TMEM232: variants seen among roughly 807,000 people sequenced by gnomAD.
TMEM232 encodes the protein transmembrane protein 232.
Under a neutral mutation model 78.8 loss-of-function variants are expected in TMEM232, and 80 were observed. The ratio of observed to expected loss-of-function variants is 1.01; its 90% CI spans 0.85 to 1.22. The LOEUF (loss-of-function observed/expected upper bound fraction) is 1.22. TMEM232 is among the 50% of genes most tolerant of loss of function. The pLI is 0.00. For missense variants in TMEM232, 881 were observed against 742.2 expected, an observed-to-expected ratio of 1.19 and a Z score of -2.17; for synonymous variants, 297 against 254.3, an observed-to-expected ratio of 1.17 and a Z score of -1.60.
intron 12 of TMEM232, among the ~76,000 whole-genome samples, chr5:110,482,615 T>A (rs1026538556): frequency 1.3e-5 from 2 of 150,118 alleles, no homozygotes; most frequent in Non-Finnish European, 3.0e-5. Flanking sequence ...ATATTATTTT[T>A]AATTAATGAT....
intron 11 of TMEM232, among the ~76,000 whole-genome samples, chr5:110,559,741 C>G (rs1327881376): frequency 6.6e-6 from 1 of 152,114 alleles, no homozygotes; most frequent in African/African-American, 2.4e-5. Context: ...AAATTTGTGA[C>G]TTAAAGAACA....
chr5:110,584,309 A>G (rs1157951928), intron 10 of TMEM232, among the ~76,000 whole-genome samples: 1 of 151,880 alleles, frequency 6.6e-6, no homozygotes, highest in African/African-American at 2.4e-5. Context: ...AATGAAATAT[A>G]TTCACACCAA....
intron 4 of TMEM232, among the ~76,000 whole-genome samples, chr5:110,640,265 C>T (rs181222172): frequency 6.6e-6 from 1 of 152,218 alleles, no homozygotes; most frequent in East Asian, 1.9e-4. Flanking sequence ...TCCCAGATAG[C>T]ACTACAAAAC....
Position 110,611,174 on chromosome 5 carries a change from A to G in TMEM232, c.903-4887T>C, listed in dbSNP as rs531239797. The stretch of plus-strand genomic sequence containing the variant: ...TGTTATCAGAACTCAAGATTATATT[A>G]ACAGACTAGGAAGGGGAGAATTAGT... On this transcript the variant is annotated intron_variant, in intron 8 of 13. Coordinates refer to ENST00000455884, the MANE Select transcript of TMEM232 (RefSeq NM_001039763.4). 1.2e-4 allele frequency among the ~76,000 whole-genome samples: 19 copies of G among 152,312 alleles called. No individual in the cohort carries two copies. In the South Asian group the frequency reaches 2.5e-3, roughly 20 times the overall value.
intron 1 of TMEM232, among the ~76,000 whole-genome samples, chr5:110,687,232 T>A (rs1446789513): frequency 6.6e-6 from 1 of 152,176 alleles, no homozygotes; most frequent in Admixed American, 6.6e-5. Context: ...CAACACTTTA[T>A]GTTATTTTAA....
At chr5:110,440,151 G>A (rs184712802) in intron 12 of TMEM232, among the ~76,000 whole-genome samples, 3 of 152,252 alleles carry the variant, frequency 2.0e-5, no homozygotes, top group East Asian at 1.9e-4. Flanking sequence ...AAGCTAGTGG[G>A]AATAATGATG....
At chr5:110,651,088 G>A (rs1168836293) in intron 2 of TMEM232, among the ~76,000 whole-genome samples, 1 of 152,108 alleles carries the variant, frequency 6.6e-6, no homozygotes, top group Non-Finnish European at 1.5e-5. Flanking sequence ...TTAAATATCT[G>A]CTATGAGTCA....
chr5:110,567,133 A>T (rs1776436241), intron 11 of TMEM232, among the ~76,000 whole-genome samples: 1 of 151,860 alleles, frequency 6.6e-6, no homozygotes. Context: ...TACCTTCCAT[A>T]ACACGTGGGG....
intron 12 of TMEM232, among the ~76,000 whole-genome samples, chr5:110,430,363 T>C (rs542172032): frequency 1.3e-5 from 2 of 151,630 alleles, no homozygotes; most frequent in Non-Finnish European, 3.0e-5. Context: ...TTCCTTTTTT[T>C]TTTTGTTCTC....
intron 8 of TMEM232, among the ~76,000 whole-genome samples, chr5:110,612,808 G>T (rs2149864763): frequency 6.6e-6 from 1 of 152,174 alleles, no homozygotes; most frequent in East Asian, 1.9e-4. Flanking sequence ...GTCTTCATTG[G>T]CTAATAATTC....
chr5:110,653,940 A>G (rs1215256270), intron 2 of TMEM232, among the ~76,000 whole-genome samples: 2 of 152,248 alleles, frequency 1.3e-5, no homozygotes, highest in Non-Finnish European at 2.9e-5. Flanking sequence ...TAAAATTTCA[A>G]GAGGAAGAAT....
intron 12 of TMEM232, among the ~76,000 whole-genome samples, chr5:110,518,186 T>C (rs956633542): frequency 3.3e-5 from 5 of 152,090 alleles, no homozygotes; most frequent in Non-Finnish European, 2.9e-5. Flanking sequence ...CAGCAGGCAC[T>C]ATTGATCTCC....
intron 5 of TMEM232, chr5:110,387,441 T>C (rs1217339844): frequency 2.0e-5 from 3 of 152,202 alleles, no homozygotes; most frequent in African/African-American, 7.2e-5. Flanking sequence ...TTAGATATCA[T>C]AGAGAAAATT....
At chr5:110,648,363 A>T (rs1787809606) in intron 2 of TMEM232, among the ~76,000 whole-genome samples, 1 of 152,078 alleles carries the variant, frequency 6.6e-6, no homozygotes, top group Admixed American at 6.6e-5. Context: ...TCAAGATTCA[A>T]GACAGACATA....
intron 12 of TMEM232, among the ~76,000 whole-genome samples, chr5:110,432,035 AAG>A (rs1757913663): frequency 6.6e-6 from 1 of 151,734 alleles, no homozygotes; most frequent in African/African-American, 2.4e-5. Context: ...GAGCTACAGT[AAG>A]TGAAGTCCAG....
intron 11 of TMEM232, among the ~76,000 whole-genome samples, chr5:110,560,342 C>T (rs1369793202): frequency 2.0e-5 from 3 of 151,966 alleles, no homozygotes; most frequent in Non-Finnish European, 2.9e-5. Context: ...ACCAGAAATA[C>T]ATAAACATTT....
chr5:110,707,172 C>A (rs918678368), intron 1 of TMEM232, among the ~76,000 whole-genome samples: 3 of 152,088 alleles, frequency 2.0e-5, no homozygotes, highest in African/African-American at 7.2e-5. Flanking sequence ...CAGAAAAGCA[C>A]TATCACAAGA....
intron 8 of TMEM232, among the ~76,000 whole-genome samples, chr5:110,615,953 G>C (rs1214969049): frequency 1.3e-5 from 2 of 151,944 alleles, no homozygotes; most frequent in East Asian, 3.9e-4. Context: ...GATATTCCAT[G>C]TTCATGGATA....
At chr5:110,478,036 A>AT (rs1763444278) in intron 12 of TMEM232, among the ~76,000 whole-genome samples, 1 of 151,898 alleles carries the variant, frequency 6.6e-6, no homozygotes, top group Non-Finnish European at 1.5e-5. Context: ...TCATTACTAC[A>AT]TTCTGAATAG....
Sources: allele counts gnomAD v4.1 joint callset (sites outside exome capture counted in the v4.1 genomes callset), GRCh38; gene constraint gnomAD v4.1.1; transcripts MANE v1.5; gene names NCBI Gene and HGNC (gene_info 2026-07-23, HGNC 2026-07-21).